The following IFIH1 variants were observed in gnomAD, a reference collection of about 807,000 sequenced individuals.
IFIH1 encodes the protein interferon-induced helicase C domain-containing protein 1.
A neutral mutation model predicts 107.4 loss-of-function variants in IFIH1; 125 were observed. That is an observed-to-expected ratio of 1.16 (90% CI 1.01 to 1.35). The LOEUF is 1.35. Ranked by LOEUF, IFIH1 falls within the 40% of genes most tolerant of loss-of-function variation. The pLI, the probability that IFIH1 is intolerant of heterozygous loss-of-function variation, is 0.00. For synonymous variants in IFIH1, 458 were observed against 413.2 expected, an observed-to-expected ratio of 1.11 and a Z score of -1.31; for missense variants, 1,333 against 1,213.7, an observed-to-expected ratio of 1.10 and a Z score of -1.46.
At chr2:162,273,466 T>TG (rs1691085049) in intron 12 of IFIH1, among the ~76,000 whole-genome samples, 1 of 152,154 alleles carries the variant, frequency 6.6e-6, no homozygotes, top group Admixed American at 6.5e-5. Flanking sequence ...CTGGTCCAGC[T>TG]GGGGGCTCAC....
chr2:162,273,857 T>C lies in IFIH1; in HGVS notation c.2392A>G (p.Ile798Val), dbSNP rs758387388. The C allele has an allele frequency of 9.4e-5, 151 of 1,611,052 alleles. 1 individual carries two copies. Among genetic ancestry groups the C allele is most frequent in the Non-Finnish European group, 8.8e-5 (104 of 1,177,958 alleles). Residue 798 changes from isoleucine (I) to valine (V), a missense_variant, in exon 12 of 16, where the codon ATT becomes GTT. Coordinates refer to ENST00000649979, the MANE Select transcript of IFIH1 (RefSeq NM_022168.4). The stretch of plus-strand genomic sequence containing the variant: ...CGGATAACAATGTTACATTCTTTAA[T>C]ATCCAGACCTTCTTCTGCCACTGTG... ...ATTVAEEGLDIKECNIVIRYG... is the reference protein window; with the variant it reads ...ATTVAEEGLDVKECNIVIRYG...
chr2:162,285,458 G>A (rs1392057400), intron 5 of IFIH1, among the ~76,000 whole-genome samples: 1 of 151,878 alleles, frequency 6.6e-6, no homozygotes, highest in Non-Finnish European at 1.5e-5. Flanking sequence ...GAGGTGTTCT[G>A]ACTCAATCAA....
At chr2:162,300,363 A>G (rs1683171828) in intron 3 of IFIH1, among the ~76,000 whole-genome samples, 1 of 152,208 alleles carries the variant, frequency 6.6e-6, no homozygotes. Context: ...ATAAACAGAT[A>G]TCATGAAAAT....
intron 3 of IFIH1, among the ~76,000 whole-genome samples, 198 bp downstream of exon 3, chr2:162,306,511 C>G (rs918685296): frequency 6.6e-6 from 1 of 152,148 alleles, no homozygotes; most frequent in Non-Finnish European, 1.5e-5. Context: ...ATTTATAACA[C>G]ATCGATATTG....
At chr2:162,268,466 GA>G (rs888567206) in intron 13 of IFIH1, among the ~76,000 whole-genome samples, 189 bp from the exon 14 acceptor site, 2 of 152,184 alleles carry the variant, frequency 1.3e-5, no homozygotes, top group Non-Finnish European at 2.9e-5. Context: ...CTGTAACCAT[GA>G]AAATGTGCAG....
chr2:162,287,804 T>G (rs1682922741), intron 5 of IFIH1, among the ~76,000 whole-genome samples: 1 of 151,934 alleles, frequency 6.6e-6, no homozygotes, highest in African/African-American at 2.4e-5. Flanking sequence ...CTAGTTAACC[T>G]TAAAGTATAT....
intron 3 of IFIH1, among the ~76,000 whole-genome samples, chr2:162,305,927 G>A (rs1420497630): frequency 6.6e-6 from 1 of 152,174 alleles, no homozygotes; most frequent in African/African-American, 2.4e-5. Flanking sequence ...TATGTTGGAA[G>A]CTTGAAATAA....
Position 162,317,999 on chromosome 2 carries a change from G to A in IFIH1, c.309C>T (p.Pro103=). 6.2e-7 allele frequency: 1 copy of A among 1,614,194 alleles called. No individual in the cohort carries two copies. The highest frequency in any genetic ancestry group is 8.5e-7 in the Non-Finnish European group (1 of 1,180,038). ...RYMNPELTDL[P]SPSFENAHDE... ...CATGAGCGTTCTCAAACGATGGAGA[G>A]GGCAAGTCCGTGAGCTCAGGGTTCA... The change falls in exon 1 of 16, where the codon CCC becomes CCT. Residue 103 remains proline, a synonymous_variant. Transcript: ENST00000649979.
At chr2:162,312,863 A>G (rs1487837350) in intron 1 of IFIH1, among the ~76,000 whole-genome samples, 4 of 152,214 alleles carry the variant, frequency 2.6e-5, no homozygotes, top group Admixed American at 1.3e-4. Context: ...AGCTTTAAAT[A>G]TATTTGACTG....
rs541623270 is a variant in IFIH1 at position 162,304,304 on chromosome 2, A to T, written c.769+2405T>A. ...GGTGAAACCCCATTCTCTAAAAAAA[A>T]TACAAAAATTAGCTGGGTATGGTGG... On this transcript the variant is annotated intron_variant, in intron 3 of 15. Coordinates refer to ENST00000649979, the MANE Select transcript of IFIH1 (RefSeq NM_022168.4). Among the ~76,000 whole-genome samples the T allele has an allele frequency of 1.2e-3, 185 of 152,280 alleles. 2 individuals are homozygous for T. The highest frequency in any genetic ancestry group is 4.2e-3 in the African/African-American group (173 of 41,562).
At position 162,276,795 on chromosome 2, in the gene IFIH1, A is replaced by G. The variant is rs147175706; in HGVS notation, c.2196T>C (p.Tyr732=). 254 of 1,614,006 alleles carry G rather than the reference A, an allele frequency of 1.6e-4. No individual in the cohort carries two copies. The highest frequency in any genetic ancestry group is 1.1e-3 in the Admixed American group (65 of 59,978). ...IIFTKTRQSA[Y]ALSQWITENE... ...TTTCAGTAATCCACTGGGAAAGCGC[A>G]TATGCACTCTGTCGTGTTTTTGTAA... Residue 732 remains tyrosine, a synonymous_variant, in exon 11 of 16, where the codon TAT becomes TAC. Coordinates refer to ENST00000649979, the MANE Select transcript of IFIH1 (RefSeq NM_022168.4).
intron 4 of IFIH1, among the ~76,000 whole-genome samples, chr2:162,292,591 ATTC>A (rs1012179786): frequency 1.3e-5 from 2 of 151,882 alleles, no homozygotes; most frequent in African/African-American, 4.8e-5. Context: ...AATTTTTATA[ATTC>A]TTCTGACAAT....
chr2:162,277,494 A>T lies in IFIH1; in HGVS notation c.1965T>A (p.Asp655Glu), dbSNP rs144274375. Residue 655 changes from aspartate to glutamate, a missense_variant, in exon 10 of 16, where the codon GAT becomes GAA. Coordinates refer to ENST00000649979, the MANE Select transcript of IFIH1 (RefSeq NM_022168.4). The stretch of plus-strand genomic sequence containing the variant: ...TTAAATCATCCTCATCTTCATCACC[A>T]TCACAATACTCATCATCACCACCCT... ...SDEGGDDEYC[D>E]GDEDEDDLKK... 128 of 1,593,226 alleles carry T rather than the reference A, an allele frequency of 8.0e-5. No homozygotes were observed. The African/African-American group carries it at 1.5e-3, about 19-fold the overall frequency.
chr2:162,268,168 T>A lies in IFIH1; in HGVS notation c.2726A>T (p.Asn909Ile), dbSNP rs764152691. ...NPSLITFLCK[N>I]CSVLACSGED... ...CCCAGAACAGGCTAGCACACTGCAG[T>A]TTTTGCAAAGGAAAGTTATTAGTGA... The change falls in exon 14 of 16, where the codon AAC (asparagine) becomes ATC (isoleucine). Residue 909 changes from asparagine to isoleucine, a missense_variant. Coordinates refer to ENST00000649979, the MANE Select transcript of IFIH1 (RefSeq NM_022168.4). The A allele has an allele frequency of 6.2e-7, 1 of 1,613,698 alleles. No individual in the cohort carries two copies. The highest frequency in any genetic ancestry group is 2.2e-5 in the East Asian group (1 of 44,854).
chr2:162,278,527 C>T (rs566115440), intron 8 of IFIH1, among the ~76,000 whole-genome samples, 199 bp from the exon 9 acceptor site: 48 of 152,242 alleles, frequency 3.2e-4, no homozygotes, highest in African/African-American at 1.2e-3. Flanking sequence ...GCCACACCCA[C>T]ACCAACACCC....
chr2:162,297,853 G>T (rs13023380), intron 3 of IFIH1, among the ~76,000 whole-genome samples: 1 of 151,774 alleles, frequency 6.6e-6, no homozygotes, highest in Non-Finnish European at 1.5e-5. Flanking sequence ...TACAATGACA[G>T]CAAGTGCCTA....
At chr2:162,315,140 G>A (rs1683465702) in intron 1 of IFIH1, among the ~76,000 whole-genome samples, 1 of 152,154 alleles carries the variant, frequency 6.6e-6, no homozygotes, top group South Asian at 2.1e-4. Flanking sequence ...TAGAAGTCTT[G>A]ATTACTTAGT....
chr2:162,318,192 G>A lies in IFIH1; in HGVS notation c.116C>T (p.Pro39Leu). The change falls in exon 1 of 16, where the codon CCT (proline) becomes CTT (leucine). Residue 39 changes from proline (P) to leucine (L), a missense_variant. Pro to Leu is a moderately conservative substitution (Grantham distance 98, BLOSUM62 -3). Transcript: ENST00000649979. ...EPVLDYLTFL[P>L]AEVKEQIQRT... ...CTGAATCTGCTCCTTCACCTCTGCA[G>A]GCAGAAAGGTCAGGTAGTCCAGCAC... The A allele has an allele frequency of 6.2e-7, 1 of 1,614,190 alleles. No individual in the cohort carries two copies. Among genetic ancestry groups the A allele is most frequent in the Non-Finnish European group, 8.5e-7 (1 of 1,180,034 alleles).
intron 2 of IFIH1, among the ~76,000 whole-genome samples, chr2:162,309,490 TG>T (rs1463076836): frequency 6.6e-6 from 1 of 152,232 alleles, no homozygotes; most frequent in Non-Finnish European, 1.5e-5. Context: ...AATAGCTCTA[TG>T]GTCTGGTTCT....
Sources: gnomAD v4.1 joint callset for allele counts (sites outside exome capture counted in the v4.1 genomes callset) on GRCh38, gnomAD v4.1.1 for gene constraint, MANE v1.5 for transcripts, NCBI Gene and HGNC (gene_info 2026-07-23, HGNC 2026-07-21) for gene names.